Variants in SLFN12L observed in about 807,000 individuals in gnomAD.
SLFN12L encodes schlafen family member 12-like.
A neutral mutation model predicts 34.8 loss-of-function variants in SLFN12L; 34 were observed. The observed-to-expected ratio is 0.98, with a 90% CI of 0.74 to 1.30. The LOEUF (loss-of-function observed/expected upper bound fraction) is 1.30, where lower values mean the gene tolerates loss of function less well. Among genes scored for constraint, SLFN12L ranks in the 50% most tolerant of loss-of-function variants. The pLI, the probability that SLFN12L is intolerant of heterozygous loss-of-function variation, is 0.00. For missense variants in SLFN12L, 703 were observed against 696.2 expected, an observed-to-expected ratio of 1.01 and a Z score of -0.11; for synonymous variants, 259 against 247.5, an observed-to-expected ratio of 1.05 and a Z score of -0.44.
In SLFN12L at chr17:35,479,311, G is replaced by T; in HGVS notation, c.971C>A (p.Thr324Lys). The T allele has an allele frequency of 6.3e-7, 1 of 1,586,264 alleles. No homozygotes were observed. Among genetic ancestry groups the T allele is most frequent in the Non-Finnish European group, 8.6e-7 (1 of 1,164,664 alleles). The change falls in exon 3 of 5, where the codon ACG (threonine) becomes AAG (lysine). Residue 324 changes from threonine to lysine, a missense_variant. Thr to Lys is a moderately conservative substitution (Grantham distance 78). Transcript: ENST00000628453. Reference sequence around the variant, plus strand: ...AAGGAATTTGCATAAGTAATTTATCGTCCCCTTCTCCACACAGAAGTGATG... The same window carrying T: ...AAGGAATTTGCATAAGTAATTTATCTTCCCCTTCTCCACACAGAAGTGATG... The part of the protein sequence containing the change: ...PVHHFCVEKG[T>K]INYLCKFLGV...
intron 2 of SLFN12L, among the ~76,000 whole-genome samples, chr17:35,507,149 A>G (rs918615034): frequency 2.0e-5 from 3 of 152,198 alleles, no homozygotes; most frequent in Non-Finnish European, 4.4e-5. Flanking sequence ...GGCACTATTA[A>G]ACCATCTTTC....
chr17:35,512,066 G>A (rs1915661968), intron 2 of SLFN12L, among the ~76,000 whole-genome samples: 1 of 152,160 alleles, frequency 6.6e-6, no homozygotes, highest in Non-Finnish European at 1.5e-5. Flanking sequence ...TCACCACAGG[G>A]ACTTGGTTCT....
chr17:35,514,872 G>C, intron 2 of SLFN12L: 1 of 404,108 alleles, frequency 2.5e-6, no homozygotes, highest in East Asian at 7.2e-5. Flanking sequence ...AGAGTTTGTT[G>C]TAACACTTGC....
intron 4 of SLFN12L, 44 bp downstream of exon 4, chr17:35,478,031 A>G (rs1004395737): frequency 8.0e-7 from 1 of 1,242,760 alleles, no homozygotes; most frequent in South Asian, 1.4e-5. Context: ...GGAGGTTTGA[A>G]CACAGTTACA....
chr17:35,508,337 T>A (rs987388679), intron 2 of SLFN12L, among the ~76,000 whole-genome samples: 12 of 152,016 alleles, frequency 7.9e-5, no homozygotes, highest in Admixed American at 4.6e-4. Flanking sequence ...GGTGTCTGAG[T>A]GGTTTTGTCT....
Position 35,532,208 on chromosome 17 carries a change from G to A in SLFN12L, c.-606+5365C>T, listed in dbSNP as rs552018998. ...CGCCTGTAATCCTTTGGGAGGCCGA[G>A]GCGAGTGGATCACCTGAGGTCAGGA... On this transcript the variant is annotated intron_variant, in intron 1 of 4. Transcript: ENST00000628453. Among the ~76,000 whole-genome samples, 29 of 152,318 alleles carry A rather than the reference G, an allele frequency of 1.9e-4. No individual in the cohort carries two copies. The South Asian group carries it at 5.6e-3, about 29-fold the overall frequency.
chr17:35,476,044 G>A lies in SLFN12L; in HGVS notation c.1277-559C>T, dbSNP rs375323067. 3.9e-5 allele frequency among the ~76,000 whole-genome samples: 6 copies of A among 152,010 alleles called. No individual in the cohort carries two copies. In the East Asian group the frequency reaches 5.8e-4, roughly 15 times the overall value. On this transcript the variant is annotated intron_variant, in intron 4 of 4. Coordinates refer to ENST00000628453, the MANE Select transcript of SLFN12L (RefSeq NM_001363830.2). ...CAATCTTTAATACAGAAGAATCACA[G>A]GAAGTAGCTTCACATTCACCTCTGC... is the stretch of plus-strand genomic sequence containing the variant.
chr17:35,505,264 C>T (rs1304210315), intron 2 of SLFN12L, among the ~76,000 whole-genome samples: 1 of 152,114 alleles, frequency 6.6e-6, no homozygotes, highest in Admixed American at 6.5e-5. Context: ...ATCTTTAACA[C>T]TATATGTGTC....
chr17:35,498,123 G>T, intron 2 of SLFN12L: 1 of 602,114 alleles, frequency 1.7e-6, no homozygotes, highest in South Asian at 1.9e-5. Context: ...CCGGCGGTCA[G>T]AGCGAGACCT....
rs183634693 is a variant in SLFN12L, at chr17:35,481,283, G to T, written c.87-1088C>A. Reference sequence around the variant, plus strand: ...CCCCGGGGGAGTTAGAGAAGACTCTGCTCCACCACCTCTTGTGGAAGGCCT... The same window carrying T: ...CCCCGGGGGAGTTAGAGAAGACTCTTCTCCACCACCTCTTGTGGAAGGCCT... On this transcript the variant is annotated intron_variant, in intron 2 of 4. Coordinates refer to ENST00000628453, the MANE Select transcript of SLFN12L (RefSeq NM_001363830.2). 2.0e-4 allele frequency among the ~76,000 whole-genome samples: 30 copies of T among 152,282 alleles called. 1 individual carries two copies. Among genetic ancestry groups the T allele is most frequent in the African/African-American group, 6.7e-4 (28 of 41,562 alleles).
Position 35,479,176 on chromosome 17 carries a change from T to C in SLFN12L, c.1106A>G (p.Asn369Ser). 6.3e-7 allele frequency: 1 copy of C among 1,577,414 alleles called. No individual in the cohort carries two copies. The highest frequency in any genetic ancestry group is 1.2e-5 in the South Asian group (1 of 86,274). Residue 369 changes from asparagine to serine, a missense_variant, in exon 3 of 5, where the codon AAC (asparagine) becomes AGC (serine). Transcript: ENST00000628453. ...CTTCTCGGTCAACTGCTTAACTCTGTTATCTTTCACGTGCCAGGAATCAGG... is the reference window on the plus strand; with the variant it reads ...CTTCTCGGTCAACTGCTTAACTCTGCTATCTTTCACGTGCCAGGAATCAGG... ...KKPDSWHVKD[N>S]RVKQLTEKEW...
intron 2 of SLFN12L, chr17:35,490,776 A>T (rs1340556714): frequency 1.3e-6 from 2 of 1,492,592 alleles, no homozygotes; most frequent in Non-Finnish European, 1.9e-6. Flanking sequence ...TAGTTGTGAA[A>T]GCCCCTCCAG....
intron 1 of SLFN12L, among the ~76,000 whole-genome samples, chr17:35,532,761 C>A (rs2072423997): frequency 6.6e-6 from 1 of 152,006 alleles, no homozygotes; most frequent in Non-Finnish European, 1.5e-5. Context: ...GGCATGATGG[C>A]AGGTGCCTGT....
At chr17:35,494,493 G>A (rs566872388) in intron 2 of SLFN12L, among the ~76,000 whole-genome samples, 2 of 152,330 alleles carry the variant, frequency 1.3e-5, no homozygotes, top group Non-Finnish European at 2.9e-5. Flanking sequence ...TAGGAATGAG[G>A]CAAGGATACT....
At chr17:35,496,251 A>AATAATGGGCG (rs1915067197) in intron 2 of SLFN12L, among the ~76,000 whole-genome samples, 1 of 152,128 alleles carries the variant, frequency 6.6e-6, no homozygotes, top group Non-Finnish European at 1.5e-5. Flanking sequence ...TGGGAGGCCG[A>AATAATGGGCG]AATGGGCGAA....
At chr17:35,489,963 A>T in intron 2 of SLFN12L, 2 of 1,463,812 alleles carry the variant, frequency 1.4e-6, no homozygotes, top group Non-Finnish European at 1.9e-6. Context: ...CATGATTTTT[A>T]AAAAGAACCC....
intron 1 of SLFN12L, among the ~76,000 whole-genome samples, chr17:35,530,494 A>C (rs1336898182): frequency 2.3e-4 from 10 of 43,708 alleles, no homozygotes; most frequent in African/African-American, 6.3e-4. Flanking sequence ...GAAAGAAAGA[A>C]AGAAAGAAAG....
intron 2 of SLFN12L, among the ~76,000 whole-genome samples, chr17:35,494,934 C>T (rs966320485): frequency 4.0e-5 from 6 of 150,864 alleles, no homozygotes; most frequent in Non-Finnish European, 7.4e-5. Flanking sequence ...GAGACAGGGT[C>T]TCCCTTTGTC....
At chr17:35,483,024 A>G (rs1378089042) in intron 2 of SLFN12L, among the ~76,000 whole-genome samples, 1 of 152,106 alleles carries the variant, frequency 6.6e-6, no homozygotes, top group African/African-American at 2.4e-5. Context: ...ATAGCAGGAG[A>G]GGACAGGACA....
Sources: allele counts gnomAD v4.1 joint callset (sites outside exome capture counted in the v4.1 genomes callset), GRCh38; gene constraint gnomAD v4.1.1; transcripts MANE v1.5; gene names NCBI Gene and HGNC (gene_info 2026-07-23, HGNC 2026-07-21).